Variants in AGBL1 observed in about 807,000 individuals in gnomAD.
AGBL1 encodes the protein AGBL carboxypeptidase 1.
Under a neutral mutation model 118.9 loss-of-function variants are expected in AGBL1, and 130 were observed. The observed-to-expected ratio is 1.09, with a 90% CI of 0.95 to 1.26. AGBL1 has a LOEUF of 1.26. AGBL1 is among the 50% of genes most tolerant of loss of function. The probability of loss-of-function intolerance (pLI) is 0.00; values close to 1 mark genes in which losing one functional copy is unlikely to be tolerated. For synonymous variants in AGBL1, 555 were observed against 478.9 expected, an observed-to-expected ratio of 1.16 and a Z score of -2.08; for missense variants, 1,584 against 1,298.1, an observed-to-expected ratio of 1.22 and a Z score of -3.38.
At chr15:86,827,938 C>CTTTGTTTTTTTTTTTTTTTTT (rs2079052674) in intron 22 of AGBL1, among the ~76,000 whole-genome samples, 1 of 16,760 alleles carries the variant, frequency 6.0e-5, no homozygotes, top group Non-Finnish European at 1.2e-4. Context: ...TGATGTAGGG[C>CTTTGTTTTTTTTTTTTTTTTT]TTTTTTTTTT....
At chr15:86,921,552 G>A (rs576322019) in intron 23 of AGBL1, among the ~76,000 whole-genome samples, 11 of 152,308 alleles carry the variant, frequency 7.2e-5, no homozygotes, top group African/African-American at 2.6e-4. Flanking sequence ...CCAGCTAGGT[G>A]TCTGGAATTT....
intron 16 of AGBL1, among the ~76,000 whole-genome samples, chr15:86,280,271 G>A (rs2141719389): frequency 1.3e-5 from 2 of 152,288 alleles, no homozygotes; most frequent in Middle Eastern, 6.8e-3. Context: ...CAATGACCAT[G>A]AGCTGGAGGT....
chr15:86,169,820 C>T (rs1459124879), intron 5 of AGBL1, among the ~76,000 whole-genome samples: 6 of 152,156 alleles, frequency 3.9e-5, no homozygotes, highest in Non-Finnish European at 7.3e-5. Context: ...CTAGACTGAG[C>T]GTTAGCTGTA....
intron 22 of AGBL1, among the ~76,000 whole-genome samples, chr15:86,839,918 T>G: frequency 6.6e-6 from 1 of 152,186 alleles, no homozygotes; most frequent in East Asian, 1.9e-4. Flanking sequence ...AAATCCTAAC[T>G]CAGACTTCTA....
At chr15:86,208,281 C>CT (rs749179014) in intron 5 of AGBL1, among the ~76,000 whole-genome samples, 15 of 152,200 alleles carry the variant, frequency 9.9e-5, no homozygotes, top group East Asian at 9.6e-4. Context: ...CTAAAATTCT[C>CT]TTTTTTTGTT....
At chr15:86,331,652 C>T (rs537677388) in intron 17 of AGBL1, among the ~76,000 whole-genome samples, 3 of 152,330 alleles carry the variant, frequency 2.0e-5, no homozygotes, top group African/African-American at 7.2e-5. Flanking sequence ...CTGTTTACAA[C>T]ATTGTTAAAG....
chr15:86,637,077 A>G (rs2085109567), intron 21 of AGBL1, among the ~76,000 whole-genome samples: 1 of 152,056 alleles, frequency 6.6e-6, no homozygotes, highest in Non-Finnish European at 1.5e-5. Context: ...TGGGAGCACC[A>G]TCCAATCATT....
At chr15:86,253,542 C>G (rs527257148) in intron 7 of AGBL1, among the ~76,000 whole-genome samples, 12 of 152,100 alleles carry the variant, frequency 7.9e-5, no homozygotes, top group Non-Finnish European at 1.5e-4. Flanking sequence ...AGGCACCATG[C>G]CTGGCCTCCA....
intron 23 of AGBL1, among the ~76,000 whole-genome samples, chr15:86,953,299 A>T (rs1458154748): frequency 6.6e-6 from 1 of 152,134 alleles, no homozygotes; most frequent in East Asian, 1.9e-4. Context: ...TCCACAAGCA[A>T]GGTATATTTT....
chr15:86,290,436 G>C (rs2079526456), intron 16 of AGBL1, among the ~76,000 whole-genome samples: 1 of 146,264 alleles, frequency 6.8e-6, no homozygotes, highest in Non-Finnish European at 1.5e-5. Flanking sequence ...CTGCAGCCTT[G>C]ACCTCCCAGG....
At chr15:86,375,436 C>CG (rs1293769798) in intron 17 of AGBL1, among the ~76,000 whole-genome samples, 1 of 152,090 alleles carries the variant, frequency 6.6e-6, no homozygotes, top group East Asian at 1.9e-4. Context: ...GTCACCCCCC[C>CG]ACCAGGTCCC....
At chr15:86,174,932 C>A (rs1486138755) in intron 5 of AGBL1, among the ~76,000 whole-genome samples, 1 of 151,898 alleles carries the variant, frequency 6.6e-6, no homozygotes, top group East Asian at 1.9e-4. Flanking sequence ...ACTTTTGCAT[C>A]TATGTTCATT....
intron 18 of AGBL1, among the ~76,000 whole-genome samples, chr15:86,509,762 T>C (rs1305243054): frequency 1.3e-5 from 2 of 152,142 alleles, no homozygotes; most frequent in Non-Finnish European, 2.9e-5. Context: ...TTCTTTTGCA[T>C]GCCTTTACCT....
chr15:86,220,144 G>A (rs938591301), intron 5 of AGBL1, among the ~76,000 whole-genome samples: 1 of 151,872 alleles, frequency 6.6e-6, no homozygotes, highest in Non-Finnish European at 1.5e-5. Context: ...AGTAGAGATG[G>A]GGTTTCACTA....
Position 86,266,430 on chromosome 15 carries a change from A to T in AGBL1, c.1724A>T (p.Lys575Ile). 1 of 1,574,898 alleles carries T rather than the reference A, an allele frequency of 6.3e-7. No individual in the cohort carries two copies. Among genetic ancestry groups the T allele is most frequent in the African/African-American group, 1.3e-5 (1 of 74,496 alleles). Reference protein sequence around the residue: ...RLIQPSDVINKVVFSLDEPWP... With the variant: ...RLIQPSDVINIVVFSLDEPWP... ...ATCCAGCCAAGTGATGTTATAAATA[A>T]AGTTGTCTTCAGTTTAGATGAGCCT... The change falls in exon 12 of 23, where the codon AAA becomes ATA. Residue 575 changes from lysine (K) to isoleucine (I), a missense_variant. Transcript: ENST00000614907.
intron 18 of AGBL1, among the ~76,000 whole-genome samples, chr15:86,519,767 C>T (rs2083163877): frequency 6.6e-6 from 1 of 152,152 alleles, no homozygotes; most frequent in African/African-American, 2.4e-5. Context: ...ATTGCCTCTA[C>T]CTCCAAAACA....
At chr15:86,578,138 G>A (rs940240112) in intron 21 of AGBL1, among the ~76,000 whole-genome samples, 8 of 152,178 alleles carry the variant, frequency 5.3e-5, no homozygotes, top group Non-Finnish European at 7.3e-5. Flanking sequence ...CCAGAAGGGA[G>A]GCTGTACCCT....
intron 22 of AGBL1, among the ~76,000 whole-genome samples, chr15:86,848,595 A>G (rs2079353238): frequency 6.6e-6 from 1 of 152,176 alleles, no homozygotes; most frequent in Non-Finnish European, 1.5e-5. Context: ...CAGTCATTCA[A>G]GCAGTTGTAA....
chr15:86,304,311 T>C (rs1402274058), intron 17 of AGBL1, among the ~76,000 whole-genome samples: 1 of 152,178 alleles, frequency 6.6e-6, no homozygotes, highest in East Asian at 1.9e-4. Context: ...CTGTTTCCTC[T>C]GTGTCCAACA....
Sources: gnomAD v4.1 joint callset for allele counts (sites outside exome capture counted in the v4.1 genomes callset) on GRCh38, gnomAD v4.1.1 for gene constraint, MANE v1.5 for transcripts, NCBI Gene and HGNC (gene_info 2026-07-23, HGNC 2026-07-21) for gene names.